The following INSR variants were observed in gnomAD, a reference collection of about 807,000 sequenced individuals.
INSR encodes insulin receptor, also known as IR.
A neutral mutation model predicts 142.6 loss-of-function variants in INSR; 67 were observed. The observed-to-expected ratio is 0.47, with a 90% CI of 0.39 to 0.58. INSR has a LOEUF of 0.58. INSR is among the 20% of genes least tolerant of loss of function. The pLI is 0.00. For synonymous variants in INSR, 756 were observed against 743.1 expected, an observed-to-expected ratio of 1.02 and a Z score of -0.28; for missense variants, 1,248 against 1,833.2, an observed-to-expected ratio of 0.68 and a Z score of 5.83.
In INSR at chr19:7,283,651, G is replaced by A. The variant is rs570893941; in HGVS notation, c.100+10141C>T. ...GACGGGGTTTCACCATTTTGGCCAG[G>A]CTGGTCTCGAACTCACCACCTCAGG... On this transcript the variant is annotated intron_variant, in intron 1 of 21. Coordinates refer to ENST00000302850, the MANE Select transcript of INSR (RefSeq NM_000208.4). 2.6e-5 allele frequency among the ~76,000 whole-genome samples: 4 copies of A among 152,252 alleles called. No individual in the cohort carries two copies. In the South Asian group the frequency reaches 8.3e-4, roughly 32 times the overall value.
At position 7,128,425 on chromosome 19, in the gene INSR, G is replaced by A. The variant is rs1444452294; in HGVS notation, c.2945+427C>T. 3.3e-5 allele frequency among the ~76,000 whole-genome samples: 5 copies of A among 151,804 alleles called. No individual in the cohort carries two copies. The East Asian group carries it at 5.8e-4, about 18-fold the overall frequency. Reference sequence around the variant, plus strand: ...GACGAGGTTTCACCATGTTGGCCAGGCTGGTCTCAAACTCCTGACCTCAGG... The same window carrying A: ...GACGAGGTTTCACCATGTTGGCCAGACTGGTCTCAAACTCCTGACCTCAGG... On this transcript the variant is annotated intron_variant, in intron 15 of 21. Coordinates refer to ENST00000302850, the MANE Select transcript of INSR (RefSeq NM_000208.4).
intron 3 of INSR, among the ~76,000 whole-genome samples, chr19:7,181,868 AC>A (rs2144980660): frequency 6.6e-6 from 1 of 151,772 alleles, no homozygotes; most frequent in Non-Finnish European, 1.5e-5. Context: ...GGCATAAGCC[AC>A]TGTGCCTGGC....
intron 15 of INSR, among the ~76,000 whole-genome samples, chr19:7,128,435 AACT>A (rs2144821696): frequency 6.6e-6 from 1 of 151,956 alleles, no homozygotes; most frequent in African/African-American, 2.4e-5. Flanking sequence ...GCTGGTCTCA[AACT>A]CCTGACCTCA....
chr19:7,153,650 C>A (rs543998989), intron 9 of INSR, among the ~76,000 whole-genome samples: 2 of 152,170 alleles, frequency 1.3e-5, no homozygotes, highest in East Asian at 3.9e-4. Flanking sequence ...CCCAGGAGTT[C>A]GAGGCTGCAG....
Position 7,120,729 on chromosome 19 carries a change from T to A in INSR, c.3550A>T (p.Ile1184Phe). The change falls in exon 20 of 22, where the codon ATC becomes TTC. Residue 1184 changes from isoleucine to phenylalanine, a missense_variant. Ile to Phe is a conservative substitution (Grantham distance 21, BLOSUM62 0). Coordinates refer to ENST00000302850, the MANE Select transcript of INSR (RefSeq NM_000208.4). ...KIGDFGMTRD[I>F]YETDYYRKGG... Reference sequence around the variant, plus strand: ...TTCCGGTAGTAATCCGTTTCATAGATGTCTCTGGTCATTCCAAAGTCTGAC... The same window carrying A: ...TTCCGGTAGTAATCCGTTTCATAGAAGTCTCTGGTCATTCCAAAGTCTGAC... 6.2e-7 allele frequency: 1 copy of A among 1,614,086 alleles called. No individual in the cohort carries two copies. Among genetic ancestry groups the A allele is most frequent in the Non-Finnish European group, 8.5e-7 (1 of 1,179,974 alleles).
rs972455671 is a variant in INSR, at chr19:7,185,695, T to A, written c.653-1058A>T. On this transcript the variant is annotated intron_variant, in intron 2 of 21. Transcript: ENST00000302850. ...CTGTCTCTACTAAAAATACAAAAATTAGCTAGGTGTGCTGGTGCATGCCTG... is the reference window on the plus strand; with the variant it reads ...CTGTCTCTACTAAAAATACAAAAATAAGCTAGGTGTGCTGGTGCATGCCTG... Among the ~76,000 whole-genome samples, 20 of 150,048 alleles carry A rather than the reference T, an allele frequency of 1.3e-4. 1 individual carries two copies. The highest frequency in any genetic ancestry group is 4.9e-4 in the African/African-American group (20 of 40,554).
intron 3 of INSR, 151 bp downstream of exon 3, chr19:7,184,165 C>T: frequency 1.5e-6 from 1 of 688,990 alleles, no homozygotes; most frequent in East Asian, 2.8e-5. Flanking sequence ...AGGACCAAAA[C>T]AGGGTGCAAA....
chr19:7,164,637 G>A (rs1369375204), intron 8 of INSR, among the ~76,000 whole-genome samples: 4 of 130,460 alleles, frequency 3.1e-5, no homozygotes, highest in African/African-American at 9.2e-5. Flanking sequence ...GACCAACATG[G>A]AGAAACCTTG....
intron 2 of INSR, among the ~76,000 whole-genome samples, chr19:7,191,388 A>G (rs1974585429): frequency 6.6e-6 from 1 of 150,548 alleles, no homozygotes; most frequent in African/African-American, 2.4e-5. Context: ...AAAGAAAGAA[A>G]AGCCACTCGG....
chr19:7,178,081 C>T (rs1423241109), intron 3 of INSR, among the ~76,000 whole-genome samples: 1 of 151,988 alleles, frequency 6.6e-6, no homozygotes, highest in Non-Finnish European at 1.5e-5. Context: ...TCTCACACTC[C>T]TGGGTATTCA....
chr19:7,229,525 C>T (rs1417803155), intron 2 of INSR, among the ~76,000 whole-genome samples: 1 of 152,142 alleles, frequency 6.6e-6, no homozygotes, highest in Non-Finnish European at 1.5e-5. Flanking sequence ...AAATCCATGA[C>T]ATAGGAGAGT....
At chr19:7,118,357 A>T (rs1972390191) in intron 21 of INSR, among the ~76,000 whole-genome samples, 1 of 151,960 alleles carries the variant, frequency 6.6e-6, no homozygotes, top group South Asian at 2.1e-4. Flanking sequence ...TCACTCTGTC[A>T]CCCATGCTGC....
In INSR at chr19:7,142,853, A is replaced by G. The variant is rs1973104627; in HGVS notation, c.2505T>C (p.Ser835=). The part of the protein sequence containing the change: ...CNQDTPEERC[S]VAAYVSARTM... ...TCCTCGCACTGACGTAGGCTGCCAC[A>G]CTGCACCGTTCCTCAGGGGTGTCCT... The change falls in exon 12 of 22, where the codon AGT becomes AGC. Residue 835 remains serine (S), a synonymous_variant. Transcript: ENST00000302850. 1 of 1,614,064 alleles carries G rather than the reference A, an allele frequency of 6.2e-7. No homozygotes were observed. Among genetic ancestry groups the G allele is most frequent in the East Asian group, 2.2e-5 (1 of 44,876 alleles).
rs1018109444 is a variant in INSR, at chr19:7,113,844, A to C, written c.*3212T>G. Reference sequence around the variant, plus strand: ...CTGGTGAATCCCATTTGCAAGGGGCAGGCCCAGCACACCCTACCTTTCTCC... The same window carrying C: ...CTGGTGAATCCCATTTGCAAGGGGCCGGCCCAGCACACCCTACCTTTCTCC... On this transcript the variant is annotated 3_prime_UTR_variant, in exon 22 of 22. Coordinates refer to ENST00000302850, the MANE Select transcript of INSR (RefSeq NM_000208.4). 1.3e-5 allele frequency: 2 copies of C among 152,146 alleles called. No individual in the cohort carries two copies. The highest frequency in any genetic ancestry group is 1.3e-4 in the Admixed American group (2 of 15,272). The allele number at this position is 152,146 out of a possible 1,614,324, so 9.4% of individuals were successfully genotyped here.
chr19:7,213,767 G>C (rs1347306958), intron 2 of INSR, among the ~76,000 whole-genome samples: 1 of 152,146 alleles, frequency 6.6e-6, no homozygotes, highest in Non-Finnish European at 1.5e-5. Context: ...AGGCTGGTGA[G>C]TCACGAAGTC....
chr19:7,121,707 G>T (rs895511519), intron 19 of INSR, among the ~76,000 whole-genome samples: 1 of 152,182 alleles, frequency 6.6e-6, no homozygotes, highest in Non-Finnish European at 1.5e-5. Flanking sequence ...GACTCAAGCA[G>T]TCTTTACACA....
chr19:7,153,049 C>CACA, intron 9 of INSR, 122 bp from the exon 10 acceptor site: 1 of 374,424 alleles, frequency 2.7e-6, no homozygotes. Context: ...CACCACACAC[C>CACA]CCCCCACACA....
intron 2 of INSR, among the ~76,000 whole-genome samples, chr19:7,214,573 A>G (rs1975373768): frequency 6.6e-6 from 1 of 152,200 alleles, no homozygotes; most frequent in South Asian, 2.1e-4. Flanking sequence ...GAGAGATTTC[A>G]ACACAGCGTT....
chr19:7,129,848 C>T (rs968682559), intron 14 of INSR, among the ~76,000 whole-genome samples: 2 of 152,176 alleles, frequency 1.3e-5, no homozygotes, highest in Non-Finnish European at 2.9e-5. Context: ...AGTGATCCCC[C>T]TGTCTCAGCC....
Sources: allele counts gnomAD v4.1 joint callset (sites outside exome capture counted in the v4.1 genomes callset), GRCh38; gene constraint gnomAD v4.1.1; transcripts MANE v1.5; gene names NCBI Gene and HGNC (gene_info 2026-07-23, HGNC 2026-07-21).